The following TTYH3 variants were observed in gnomAD, a reference collection of about 807,000 sequenced individuals.
TTYH3 encodes the protein tweety family member 3, also known as protein tweety homolog 3.
Under a neutral mutation model 68.2 loss-of-function variants are expected in TTYH3, and 23 were observed. The ratio of observed to expected loss-of-function variants is 0.34; its 90% CI spans 0.24 to 0.48. The LOEUF (loss-of-function observed/expected upper bound fraction) is 0.48, where lower values mean the gene tolerates loss of function less well. Ranked by LOEUF, TTYH3 falls within the 20% of genes least tolerant of loss-of-function variation. The pLI is 0.99. For missense variants in TTYH3, 768 were observed against 727.7 expected, an observed-to-expected ratio of 1.06 and a Z score of -0.64; for synonymous variants, 360 against 332.8, an observed-to-expected ratio of 1.08 and a Z score of -0.89.
At chr7:2,646,821 C>A (rs3801080) in intron 1 of TTYH3, 32 bp from the exon 2 acceptor site, 356,305 of 1,575,110 alleles carry the variant, frequency 0.23, 40,964 homozygotes, top group African/African-American at 0.31. Context: ...TGGGGGTCCA[C>A]CCCTCCAGCG....
intron 5 of TTYH3, among the ~76,000 whole-genome samples, chr7:2,648,954 G>A (rs113169636): frequency 1.6e-4 from 23 of 140,210 alleles, no homozygotes; most frequent in Admixed American, 3.5e-4. Context: ...GCAGTGGGGT[G>A]TGGGGCCCGC....
chr7:2,641,013 G>A (rs1785827296), intron 1 of TTYH3, among the ~76,000 whole-genome samples: 1 of 152,188 alleles, frequency 6.6e-6, no homozygotes, highest in Admixed American at 6.5e-5. Context: ...CCTGTGTATG[G>A]GGACAATGGG....
rs568366693 is a variant in TTYH3 at position 2,647,996 on chromosome 7, A to C, written c.664A>C (p.Ile222Leu). 1.2e-6 allele frequency: 2 copies of C among 1,610,820 alleles called. No individual in the cohort carries two copies. The highest frequency in any genetic ancestry group is 2.7e-5 in the African/African-American group (2 of 75,016). Residue 222 changes from isoleucine to leucine, a missense_variant, in exon 5 of 14, where the codon ATC (isoleucine) becomes CTC (leucine). By Grantham distance (5) the Ile-to-Leu change is conservative (BLOSUM62 2). Transcript: ENST00000258796. ...CCTGGGCCTGCTGCTGCTGGACGTCATCATCTGCCTCCTGGTGCTGGTTGG... is the reference window on the plus strand; with the variant it reads ...CCTGGGCCTGCTGCTGCTGGACGTCCTCATCTGCCTCCTGGTGCTGGTTGG... ...GYLGLLLLDV[I>L]ICLLVLVGLI...
At chr7:2,632,953 C>T (rs1476103512) in intron 1 of TTYH3, among the ~76,000 whole-genome samples, 2 of 152,060 alleles carry the variant, frequency 1.3e-5, no homozygotes, top group Admixed American at 6.5e-5. Context: ...GAGGGAGGCC[C>T]GGCGGCCAGG....
intron 1 of TTYH3, among the ~76,000 whole-genome samples, chr7:2,639,631 A>C (rs1170741215): frequency 2.0e-5 from 3 of 152,240 alleles, no homozygotes; most frequent in Admixed American, 6.5e-5. Context: ...CACAGCCGTC[A>C]GTGTGGGGAC....
intron 4 of TTYH3, 159 bp from the exon 5 acceptor site, chr7:2,647,800 C>T (rs1248801543): frequency 2.8e-6 from 3 of 1,071,228 alleles, no homozygotes; most frequent in Middle Eastern, 2.0e-4. Context: ...CTAATGGGAG[C>T]CTTTCTCAAG....
Position 2,647,227 on chromosome 7 carries a change from C to A in TTYH3, c.379C>A (p.Arg127Ser), listed in dbSNP as rs199819544. The change falls in exon 3 of 14, where the codon CGC becomes AGC. Residue 127 changes from arginine (R) to serine (S), a missense_variant. Transcript: ENST00000258796. ...CACCTACTCGCTCCGCCACGCCAAC[C>A]GCACGGTGGCCGGGGTCCAGGACCG... Reference protein sequence around the residue: ...RATYSLRHANRTVAGVQDRVW... With the variant: ...RATYSLRHANSTVAGVQDRVW... 3.1e-4 allele frequency: 497 copies of A among 1,598,070 alleles called. 2 individuals carry two copies. Among genetic ancestry groups the A allele is most frequent in the African/African-American group, 1.6e-3 (123 of 74,936 alleles).
rs1786059988 is a variant in TTYH3, at chr7:2,648,377, G to A, written c.722+323G>A. 1.3e-5 allele frequency: 4 copies of A among 300,138 alleles called. No individual in the cohort carries two copies. The South Asian group carries it at 3.3e-4, about 25-fold the overall frequency. 18.6% of individuals were successfully genotyped at this position (300,138 alleles called of 1,614,324 possible). On this transcript the variant is annotated intron_variant, in intron 5 of 13. Coordinates refer to ENST00000258796, the MANE Select transcript of TTYH3 (RefSeq NM_025250.3). ...TGGGGCCACCCAGAGACCAGGCTGG[G>A]GCTCCTTCCTCCACCCCTTCCATCC...
chr7:2,643,330 G>C (rs1331982842), intron 1 of TTYH3, among the ~76,000 whole-genome samples: 1 of 149,870 alleles, frequency 6.7e-6, no homozygotes, highest in Non-Finnish European at 1.5e-5. Flanking sequence ...ACTCCAGCCT[G>C]GGCGACAGAG....
At chr7:2,660,640 A>C (rs576664920) in intron 13 of TTYH3, 13 of 764,982 alleles carry the variant, frequency 1.7e-5, no homozygotes, top group Admixed American at 1.6e-4. Flanking sequence ...TCCTCCCCCC[A>C]CCCCCTCCGT....
chr7:2,644,941 G>A (rs954583049), intron 1 of TTYH3, among the ~76,000 whole-genome samples: 6 of 152,234 alleles, frequency 3.9e-5, no homozygotes, highest in African/African-American at 1.4e-4. Flanking sequence ...TCATCCCAAG[G>A]GGGGGCCAGG....
intron 9 of TTYH3, among the ~76,000 whole-genome samples, chr7:2,653,241 C>G (rs1786241509): frequency 6.6e-6 from 1 of 152,100 alleles, no homozygotes; most frequent in African/African-American, 2.4e-5. Context: ...ATTCCTTTCC[C>G]TTGGGAATTT....
intron 1 of TTYH3, 39 bp downstream of exon 1, chr7:2,632,317 C>A: frequency 6.6e-7 from 1 of 1,520,164 alleles, no homozygotes; most frequent in East Asian, 2.4e-5. Flanking sequence ...TCAGGGACCC[C>A]AGGTCACGGC....
chr7:2,642,627 C>T (rs1785878726), intron 1 of TTYH3, among the ~76,000 whole-genome samples: 3 of 151,220 alleles, frequency 2.0e-5, no homozygotes, highest in South Asian at 2.1e-4. Context: ...ACTTGAGAGG[C>T]TGAGGCAGGA....
Position 2,661,858 on chromosome 7 carries a change from C to CACA in TTYH3, c.*119_*120insACA. The CACA allele has an allele frequency of 9.0e-7, 1 of 1,113,040 alleles. No homozygotes were observed. The highest frequency in any genetic ancestry group is 1.3e-6 in the Non-Finnish European group (1 of 769,916). The allele number at this position is 1,113,040 out of a possible 1,614,324, so 68.9% of individuals were successfully genotyped here. On this transcript the variant is annotated 3_prime_UTR_variant, in exon 14 of 14. Transcript: ENST00000258796. ...CGCCGTGCCAGGCCTGCCCCAGACG[C>CACA]GTCTGCAGGCCGCTTGCCCTCCTGT...
intron 1 of TTYH3, among the ~76,000 whole-genome samples, chr7:2,633,541 T>C (rs1168043951): frequency 1.3e-5 from 2 of 151,980 alleles, no homozygotes; most frequent in African/African-American, 4.8e-5. Flanking sequence ...GGCGGAAGGA[T>C]TGGTATAAAA....
intron 1 of TTYH3, among the ~76,000 whole-genome samples, chr7:2,639,791 C>G (rs1289941980): frequency 6.6e-6 from 1 of 152,202 alleles, no homozygotes; most frequent in East Asian, 1.9e-4. Flanking sequence ...CCCTTTCCCT[C>G]CTCCAAGCTG....
At chr7:2,658,508 T>C in intron 12 of TTYH3, 49 bp downstream of exon 12, 2 of 1,563,630 alleles carry the variant, frequency 1.3e-6, no homozygotes, top group Middle Eastern at 3.6e-4. Flanking sequence ...CAGCTGCGGC[T>C]GAGAGCGCGG....
At chr7:2,659,992 C>T in intron 13 of TTYH3, 2 of 1,304,086 alleles carry the variant, frequency 1.5e-6, no homozygotes, top group Non-Finnish European at 2.0e-6. Flanking sequence ...CAGTTTAAGC[C>T]CATGGACAGT....
Sources: allele counts gnomAD v4.1 joint callset (sites outside exome capture counted in the v4.1 genomes callset), GRCh38; gene constraint gnomAD v4.1.1; transcripts MANE v1.5; gene names NCBI Gene and HGNC (gene_info 2026-07-23, HGNC 2026-07-21).